Variants in CELF2 observed in about 807,000 individuals in gnomAD.
CELF2 encodes the protein CUGBP Elav-like family member 2.
In CELF2, 8 loss-of-function variants were observed where a neutral mutation model predicts 62.6. The observed-to-expected ratio is 0.13, with a 90% CI of 0.07 to 0.23. CELF2 has a LOEUF of 0.23. Among genes scored for constraint, CELF2 ranks in the 10% least tolerant of loss-of-function variants. CELF2 has a pLI of 1.00. For missense variants in CELF2, 333 were observed against 671.0 expected, an observed-to-expected ratio of 0.50 and a Z score of 5.56; for synonymous variants, 258 against 250.0, an observed-to-expected ratio of 1.03 and a Z score of -0.30.
chr10:10,985,764 G>A (rs895372992), intron 2 of CELF2, among the ~76,000 whole-genome samples: 2 of 152,144 alleles, frequency 1.3e-5, no homozygotes, highest in Non-Finnish European at 2.9e-5. Flanking sequence ...TCCCTCTCTT[G>A]TTTCTTCTTC....
the CELF2 span, among the ~76,000 whole-genome samples, chr10:10,694,126 C>T: frequency 9.9e-5 from 15 of 151,102 alleles, no homozygotes; most frequent in South Asian, 6.4e-4. Context: ...TTGGATCTTT[C>T]CTGCTTTCTC....
intron 1 of CELF2, among the ~76,000 whole-genome samples, chr10:10,832,160 C>T (rs1188904415): frequency 1.6e-4 from 24 of 151,332 alleles, no homozygotes; most frequent in Admixed American, 1.6e-3. Flanking sequence ...CCCAGCCAGT[C>T]AGGAGGCTGA....
chr10:11,134,442 G>A (rs1462519855), intron 1 of CELF2, among the ~76,000 whole-genome samples: 2 of 152,198 alleles, frequency 1.3e-5, no homozygotes, highest in African/African-American at 4.8e-5. Flanking sequence ...CATAGAATTA[G>A]GTCTTGCCTG....
chr10:11,052,706 G>T (rs766914495), intron 1 of CELF2, among the ~76,000 whole-genome samples: 1 of 152,136 alleles, frequency 6.6e-6, no homozygotes. Flanking sequence ...CCTTTACAAC[G>T]AAAGGTCTTT....
At chr10:10,924,241 C>T (rs1391498459) in intron 2 of CELF2, among the ~76,000 whole-genome samples, 1 of 126,210 alleles carries the variant, frequency 7.9e-6, no homozygotes, top group Admixed American at 9.8e-5. Flanking sequence ...GAGATCGCGC[C>T]ACTGCACTCC....
At chr10:11,245,278 C>G (rs1023137865) in intron 3 of CELF2, among the ~76,000 whole-genome samples, 1 of 152,146 alleles carries the variant, frequency 6.6e-6, no homozygotes, top group Non-Finnish European at 1.5e-5. Context: ...AGTATTATGA[C>G]AATGACTCCT....
At chr10:11,140,293 T>C (rs553312388) in intron 1 of CELF2, among the ~76,000 whole-genome samples, 6 of 152,306 alleles carry the variant, frequency 3.9e-5, no homozygotes, top group South Asian at 4.1e-4. Context: ...CCATGTTCGG[T>C]GCAGTAGCGC....
At chr10:10,576,385 C>T in the CELF2 span, among the ~76,000 whole-genome samples, 1 of 152,064 alleles carries the variant, frequency 6.6e-6, no homozygotes, top group Non-Finnish European at 1.5e-5. Flanking sequence ...TTCTCAGGCA[C>T]ATATTTTGAC....
intron 1 of CELF2, among the ~76,000 whole-genome samples, chr10:11,047,919 C>A (rs2063157561): frequency 6.6e-6 from 1 of 152,104 alleles, no homozygotes; most frequent in Non-Finnish European, 1.5e-5. Context: ...GAATTTTTTT[C>A]TCTTCTAGAT....
chr10:10,978,862 T>G (rs1055962239), intron 2 of CELF2, among the ~76,000 whole-genome samples: 1 of 152,212 alleles, frequency 6.6e-6, no homozygotes, highest in African/African-American at 2.4e-5. Context: ...AAAATACTCA[T>G]AAGCAAGGAA....
chr10:10,924,075 AT>A (rs1412947223), intron 2 of CELF2: 1 of 152,076 alleles, frequency 6.6e-6, no homozygotes, highest in Non-Finnish European at 1.5e-5. Context: ...AAGAGAGAAA[AT>A]TTTATTTTGG....
intron 1 of CELF2, among the ~76,000 whole-genome samples, chr10:10,914,779 T>A (rs1359545038): frequency 6.6e-6 from 1 of 152,172 alleles, no homozygotes; most frequent in Admixed American, 6.5e-5. Flanking sequence ...CAGTTCTTTT[T>A]CTCTGAACAT....
intron 2 of CELF2, chr10:10,948,518 T>C (rs986071727): frequency 7.2e-5 from 11 of 152,174 alleles, no homozygotes; most frequent in African/African-American, 2.4e-4. Flanking sequence ...TGCTATTTGA[T>C]CAAGCTTTAT....
At chr10:11,196,034 G>GAAAA (rs5783195) in intron 2 of CELF2, among the ~76,000 whole-genome samples, 1 of 146,596 alleles carries the variant, frequency 6.8e-6, no homozygotes, top group Non-Finnish European at 1.5e-5. Context: ...AGGCAGGGGA[G>GAAAA]AAAAAAAAAA....
chr10:11,069,139 C>G (rs973129039), intron 1 of CELF2, among the ~76,000 whole-genome samples: 3 of 152,150 alleles, frequency 2.0e-5, no homozygotes, highest in Non-Finnish European at 2.9e-5. Flanking sequence ...CTTGAGTTTT[C>G]TTACTGCATG....
chr10:10,960,862 C>T (rs1320123271), intron 2 of CELF2, among the ~76,000 whole-genome samples: 12 of 152,322 alleles, frequency 7.9e-5, no homozygotes, highest in Non-Finnish European at 1.6e-4. Context: ...TACATTTCAA[C>T]ACAATAGGCA....
chr10:11,200,368 T>C (rs1185118260), intron 2 of CELF2, among the ~76,000 whole-genome samples: 5 of 152,264 alleles, frequency 3.3e-5, no homozygotes, highest in African/African-American at 1.2e-4. Context: ...AGCAAAGATA[T>C]GAATTCCCAA....
chr10:11,112,663 A>C (rs1254169680), intron 1 of CELF2, among the ~76,000 whole-genome samples: 2 of 152,250 alleles, frequency 1.3e-5, no homozygotes, highest in African/African-American at 4.8e-5. Flanking sequence ...AAACAACGAT[A>C]TTTATGGGAA....
chr10:11,313,645 T>A (rs1337970746), intron 9 of CELF2, among the ~76,000 whole-genome samples: 2 of 152,184 alleles, frequency 1.3e-5, no homozygotes, highest in African/African-American at 4.8e-5. Flanking sequence ...ACAATTAATT[T>A]TAATCTGACA....
Sources: gnomAD v4.1 joint callset for allele counts (sites outside exome capture counted in the v4.1 genomes callset) on GRCh38, gnomAD v4.1.1 for gene constraint, MANE v1.5 for transcripts, NCBI Gene and HGNC (gene_info 2026-07-23, HGNC 2026-07-21) for gene names.